The following CWF19L2 variants were observed in gnomAD, a reference collection of about 807,000 sequenced individuals.
CWF19L2 encodes CWF19-like protein 2.
In CWF19L2, 98 loss-of-function variants were observed where a neutral mutation model predicts 111.7. The ratio of observed to expected loss-of-function variants is 0.88; its 90% CI spans 0.75 to 1.04. CWF19L2 has a LOEUF of 1.04. Among genes scored for constraint, CWF19L2 ranks in the 50% least tolerant of loss-of-function variants. The pLI is 0.00. For synonymous variants in CWF19L2, 351 were observed against 342.9 expected (o/e 1.02, Z -0.26); for missense variants, 1,101 against 1,051.4 (o/e 1.05, Z -0.65).
chr11:107,341,298 A>T (rs575377634), intron 14 of CWF19L2, among the ~76,000 whole-genome samples: 1 of 152,290 alleles, frequency 6.6e-6, no homozygotes, highest in African/African-American at 2.4e-5. Context: ...GCAGTCTTTA[A>T]TCTTTGATTT....
chr11:107,396,893 C>T (rs1370369855), intron 10 of CWF19L2, among the ~76,000 whole-genome samples: 3 of 152,160 alleles, frequency 2.0e-5, no homozygotes, highest in African/African-American at 7.2e-5. Context: ...CGAACATACC[C>T]CCCAACTGGA....
chr11:107,394,184 G>A (rs1337759488), intron 10 of CWF19L2, among the ~76,000 whole-genome samples: 1 of 152,022 alleles, frequency 6.6e-6, no homozygotes, highest in Non-Finnish European at 1.5e-5. Context: ...TAGTTCCCCT[G>A]CTGAAATGGA....
At position 107,429,388 on chromosome 11, in the gene CWF19L2, A is replaced by C; in HGVS notation, c.844T>G (p.Tyr282Asp). The C allele has an allele frequency of 6.3e-7, 1 of 1,586,132 alleles. No homozygotes were observed. The highest frequency in any genetic ancestry group is 8.6e-7 in the Non-Finnish European group (1 of 1,164,832). Residue 282 changes from tyrosine to aspartate, a missense_variant, in exon 8 of 18, where the codon TAT becomes GAT. Physicochemically the swap from Tyr to Asp is radical, Grantham distance 160. Transcript: ENST00000282251. ...GGTTTCCTCCACCGTTCCCGTCTAT[A>C]ATCTTCTTTCGTGGATGCAGCTTTT... ...AEKAASTKED[Y>D]RRERWRKPTY...
chr11:107,412,726 G>T (rs139821726), intron 10 of CWF19L2, among the ~76,000 whole-genome samples: 1 of 152,272 alleles, frequency 6.6e-6, no homozygotes, highest in East Asian at 1.9e-4. Flanking sequence ...GCAAAAACTT[G>T]GATGCACCAA....
intron 8 of CWF19L2, 134 bp downstream of exon 8, chr11:107,428,665 A>G (rs535981470): frequency 9.7e-6 from 7 of 723,042 alleles, no homozygotes; most frequent in African/African-American, 5.3e-5. Flanking sequence ...TTAAATCTGC[A>G]TATCTTACCC....
intron 12 of CWF19L2, among the ~76,000 whole-genome samples, chr11:107,362,521 C>T (rs1860369449): frequency 6.6e-6 from 1 of 152,080 alleles, no homozygotes; most frequent in Admixed American, 6.5e-5. Flanking sequence ...TGACCCCTGA[C>T]CCCCGAGCAG....
At chr11:107,442,901 G>A (rs1861651618) in intron 4 of CWF19L2, 38 bp downstream of exon 4, 2 of 1,289,814 alleles carry the variant, frequency 1.6e-6, no homozygotes, top group Non-Finnish European at 2.2e-6. Context: ...AGGAAGGAAG[G>A]AAGAAAGCAA....
chr11:107,392,878 T>C lies in CWF19L2; in HGVS notation c.1635A>G (p.Glu545=), dbSNP rs188815864. ...ACTGATCTGTTCTGACAAGGATTAC[T>C]TCTTGCTGGTCTTCATTCTATAAAA... ...KSGVENEDQQ[E]VILVRTDQSG... The change falls in exon 11 of 18, where the codon GAA becomes GAG. Residue 545 remains glutamate (E), a synonymous_variant. Transcript: ENST00000282251. 1.9e-6 allele frequency: 3 copies of C among 1,565,792 alleles called. No homozygotes were observed. Among genetic ancestry groups the C allele is most frequent in the East Asian group, 4.8e-5 (2 of 41,592 alleles).
At chr11:107,332,784 T>A (rs1249788118) in intron 16 of CWF19L2, among the ~76,000 whole-genome samples, 1 of 152,146 alleles carries the variant, frequency 6.6e-6, no homozygotes, top group Non-Finnish European at 1.5e-5. Context: ...TATACTTATG[T>A]ACTCTTCTCA....
intron 8 of CWF19L2, among the ~76,000 whole-genome samples, chr11:107,426,077 T>C (rs1451899105): frequency 2.6e-5 from 4 of 151,658 alleles, no homozygotes; most frequent in African/African-American, 9.7e-5. Flanking sequence ...GTGATAAATT[T>C]GAACACATTA....
intron 10 of CWF19L2, among the ~76,000 whole-genome samples, chr11:107,415,036 T>G (rs1236823036): frequency 6.6e-6 from 1 of 152,052 alleles, no homozygotes; most frequent in Non-Finnish European, 1.5e-5. Context: ...ACCACCTCAG[T>G]CAGAAAAAAA....
intron 12 of CWF19L2, among the ~76,000 whole-genome samples, chr11:107,383,103 T>C (rs1228544785): frequency 6.6e-6 from 1 of 152,232 alleles, no homozygotes; most frequent in African/African-American, 2.4e-5. Context: ...AATAAACCAG[T>C]AAATGTAATT....
intron 5 of CWF19L2, among the ~76,000 whole-genome samples, chr11:107,439,984 T>C (rs602625): frequency 1.3e-5 from 2 of 151,980 alleles, no homozygotes; most frequent in African/African-American, 2.4e-5. Flanking sequence ...AGGCAACAGA[T>C]GATAGTAGCC....
At chr11:107,377,992 T>C (rs1860619393) in intron 12 of CWF19L2, among the ~76,000 whole-genome samples, 1 of 152,002 alleles carries the variant, frequency 6.6e-6, no homozygotes, top group South Asian at 2.1e-4. Context: ...AAGACATTTA[T>C]GCAGCCAAAA....
At chr11:107,435,098 A>G (rs138667139) in intron 6 of CWF19L2, among the ~76,000 whole-genome samples, 5 of 152,280 alleles carry the variant, frequency 3.3e-5, no homozygotes, top group Non-Finnish European at 5.9e-5. Context: ...TCAAGGCTCA[A>G]ATTAATTCCA....
rs187297171 is a variant in CWF19L2, at chr11:107,440,634, G to C, written c.570+869C>G. Among the ~76,000 whole-genome samples the C allele has an allele frequency of 2.0e-4, 30 of 152,276 alleles. 1 individual carries two copies. Among genetic ancestry groups the C allele is most frequent in the African/African-American group, 7.2e-4 (30 of 41,560 alleles). The stretch of plus-strand genomic sequence containing the variant: ...ATTGCATACTGAGGACAATTGACAA[G>C]AGGCTAGACAAATTATGAGATACTA... On this transcript the variant is annotated intron_variant, in intron 5 of 17. Coordinates refer to ENST00000282251, the MANE Select transcript of CWF19L2 (RefSeq NM_152434.3).
intron 3 of CWF19L2, among the ~76,000 whole-genome samples, chr11:107,452,591 T>A (rs945513553): frequency 6.6e-6 from 1 of 152,034 alleles, no homozygotes; most frequent in Non-Finnish European, 1.5e-5. Flanking sequence ...CTAGAAAAAC[T>A]GGAAATCCAC....
intron 10 of CWF19L2, among the ~76,000 whole-genome samples, chr11:107,402,873 G>GTGTGTATGTA (rs1247886311): frequency 1.1e-5 from 1 of 94,468 alleles, no homozygotes; most frequent in East Asian, 3.0e-4. Context: ...ACTGTGGTGT[G>GTGTGTATGTA]TATATATATA....
chr11:107,345,311 T>C (rs1478481592), intron 14 of CWF19L2: 1 of 292,600 alleles, frequency 3.4e-6, no homozygotes, highest in African/African-American at 2.3e-5. Context: ...GTTAACAGAG[T>C]GGAACTATGT....
Sources: allele counts gnomAD v4.1 joint callset (sites outside exome capture counted in the v4.1 genomes callset), GRCh38; gene constraint gnomAD v4.1.1; transcripts MANE v1.5; gene names NCBI Gene and HGNC (gene_info 2026-07-23, HGNC 2026-07-21).